Variants in CCNB1 observed in about 807,000 individuals in gnomAD.
CCNB1 encodes the protein G2/mitotic-specific cyclin-B1.
Under a neutral mutation model 44.4 loss-of-function variants are expected in CCNB1, and 26 were observed. The observed-to-expected ratio is 0.59, with a 90% CI of 0.43 to 0.81. CCNB1 has a LOEUF of 0.81. Among genes scored for constraint, CCNB1 ranks in the 40% least tolerant of loss-of-function variants. CCNB1 has a pLI of 0.00. For missense variants in CCNB1, 477 were observed against 520.9 expected (o/e 0.92, Z 0.82); for synonymous variants, 195 against 181.4 (o/e 1.08, Z -0.60).
At chr5:69,172,648 C>G (rs1469888188) in intron 4 of CCNB1, among the ~76,000 whole-genome samples, 1 of 151,976 alleles carries the variant, frequency 6.6e-6, no homozygotes, top group Non-Finnish European at 1.5e-5. Flanking sequence ...CTATAGGATT[C>G]TTCTGCAAGA....
At chr5:69,174,467 GATGT>G in intron 5 of CCNB1, 58 bp downstream of exon 5, 1 of 1,544,382 alleles carries the variant, frequency 6.5e-7, no homozygotes, top group South Asian at 1.2e-5. Flanking sequence ...ATAAGAAACT[GATGT>G]TTTCAGGCCA....
In CCNB1 at chr5:69,168,384, CTTG is replaced by C. The variant is rs1747387715; in HGVS notation, c.363+43_363+45del. On this transcript the variant is annotated intron_variant, in intron 3 of 8. Coordinates refer to ENST00000256442, the MANE Select transcript of CCNB1 (RefSeq NM_031966.4). Reference sequence around the variant, plus strand: ...CCATTGTAGAGTCTGTTGATTATTTCTTGTCCCTTATTTCACTGATACATGCAA... The same window carrying C: ...CCATTGTAGAGTCTGTTGATTATTTCTCCCTTATTTCACTGATACATGCAA... The C allele has an allele frequency of 3.1e-6, 5 of 1,609,434 alleles. No individual in the cohort carries two copies. The East Asian group carries it at 1.1e-4, about 36-fold the overall frequency.
At chr5:69,173,927 G>A (rs1210039296) in intron 4 of CCNB1, among the ~76,000 whole-genome samples, 1 of 151,760 alleles carries the variant, frequency 6.6e-6, no homozygotes, top group Non-Finnish European at 1.5e-5. Context: ...GCGCAACCAT[G>A]CCCAGCTAAT....
intron 4 of CCNB1, among the ~76,000 whole-genome samples, chr5:69,171,895 A>G (rs1276376357): frequency 6.6e-6 from 1 of 152,188 alleles, no homozygotes; most frequent in African/African-American, 2.4e-5. Context: ...TGGTGAAATT[A>G]TTTGTGCCCA....
intron 7 of CCNB1, among the ~76,000 whole-genome samples, chr5:69,176,271 AC>A (rs1411791879): frequency 6.6e-6 from 1 of 151,420 alleles, no homozygotes; most frequent in Non-Finnish European, 1.5e-5. Context: ...AGATGGAGAA[AC>A]TTGAAGGTCA....
chr5:69,175,474 T>C lies in CCNB1; in HGVS notation c.1020T>C (p.Pro340=). The stretch of plus-strand genomic sequence containing the variant: ...TGGACTATGACATGGTGCACTTTCC[T>C]CCTTCTCAAATTGCAGCAGGAGCTT... The part of the protein sequence containing the change: ...TMLDYDMVHF[P]PSQIAAGAFC... The change falls in exon 7 of 9, where the codon CCT becomes CCC. Residue 340 remains proline, a synonymous_variant. Transcript: ENST00000256442. 6.2e-7 allele frequency: 1 copy of C among 1,614,130 alleles called. No individual in the cohort carries two copies. The highest frequency in any genetic ancestry group is 8.5e-7 in the Non-Finnish European group (1 of 1,179,954).
At chr5:69,168,121 C>T (rs1352493443) in intron 2 of CCNB1, 43 bp downstream of exon 2, 50 of 1,610,548 alleles carry the variant, frequency 3.1e-5, no homozygotes, top group Non-Finnish European at 4.1e-5. Flanking sequence ...GCCCGCCTTC[C>T]AACTGTGGCC....
At position 69,177,361 on chromosome 5, in the gene CCNB1, T is replaced by C. The variant is rs1169218739; in HGVS notation, c.1194+12T>C. Reference sequence around the variant, plus strand: ...TTACAAAGCACATGGTGAGTCAATATAGTGGCATTGTAAGATGCTGAAAAG... The same window carrying C: ...TTACAAAGCACATGGTGAGTCAATACAGTGGCATTGTAAGATGCTGAAAAG... On this transcript the variant is annotated intron_variant, in intron 8 of 8. Coordinates refer to ENST00000256442, the MANE Select transcript of CCNB1 (RefSeq NM_031966.4). 1 of 1,524,472 alleles carries C rather than the reference T, an allele frequency of 6.6e-7. No homozygotes were observed. Among genetic ancestry groups the C allele is most frequent in the Non-Finnish European group, 9.1e-7 (1 of 1,099,346 alleles). The allele number at this position is 1,524,472 out of a possible 1,614,324, so 94.4% of individuals were successfully genotyped here. A position where few individuals can be genotyped will look rare whatever the true frequency, so the allele number is the denominator to read the frequency against.
chr5:69,173,129 A>G (rs1211209999), intron 4 of CCNB1, among the ~76,000 whole-genome samples: 1 of 152,116 alleles, frequency 6.6e-6, no homozygotes, highest in African/African-American at 2.4e-5. Flanking sequence ...CCATTTATGC[A>G]AAGCAACCCC....
chr5:69,171,682 G>T (rs1367380778), intron 4 of CCNB1, among the ~76,000 whole-genome samples: 1 of 152,094 alleles, frequency 6.6e-6, no homozygotes, highest in Non-Finnish European at 1.5e-5. Context: ...TACTACTATC[G>T]CTTTCTAAAG....
chr5:69,174,675 A>G (rs577621760), intron 5 of CCNB1, among the ~76,000 whole-genome samples: 1 of 152,164 alleles, frequency 6.6e-6, no homozygotes, highest in African/African-American at 2.4e-5. Flanking sequence ...AGATCACGCC[A>G]TTGCACTCCA....
In CCNB1 at chr5:69,167,669, C is replaced by A. The variant is rs1426671589; in HGVS notation, c.22-239C>A. 2.6e-5 allele frequency among the ~76,000 whole-genome samples: 4 copies of A among 152,082 alleles called. No homozygotes were observed. The South Asian group carries it at 8.3e-4, about 32-fold the overall frequency. On this transcript the variant is annotated intron_variant, in intron 1 of 8. Transcript: ENST00000256442. Reference sequence around the variant, plus strand: ...TTCGGTTTCCTTTCAAATGTAAATTCTCGGTATTTTAGGGCTGGCCAGGAC... The same window carrying A: ...TTCGGTTTCCTTTCAAATGTAAATTATCGGTATTTTAGGGCTGGCCAGGAC...
At chr5:69,167,356 AG>A in intron 1 of CCNB1, 73 bp downstream of exon 1, 1 of 1,559,220 alleles carries the variant, frequency 6.4e-7, no homozygotes, top group Non-Finnish European at 8.8e-7. Flanking sequence ...CGCCTGCGGG[AG>A]CCTCCCGAGC....
In CCNB1 at chr5:69,176,122, A is replaced by G. The variant is rs531276868; in HGVS notation, c.1083+585A>G. Among the ~76,000 whole-genome samples the G allele has an allele frequency of 6.0e-5, 9 of 151,178 alleles. No homozygotes were observed. The South Asian group carries it at 1.9e-3, about 32-fold the overall frequency. ...AGGCTGGTCTTGAAACTCTGGGCTC[A>G]AGCGATCCACCCACCTCCACTTACC... is the stretch of plus-strand genomic sequence containing the variant. On this transcript the variant is annotated intron_variant, in intron 7 of 8. Transcript: ENST00000256442.
chr5:69,175,933 A>G (rs560463553), intron 7 of CCNB1, among the ~76,000 whole-genome samples: 3 of 149,980 alleles, frequency 2.0e-5, no homozygotes, highest in Non-Finnish European at 4.4e-5. Flanking sequence ...AGAGTCGCCC[A>G]CCAGCCTGGG....
rs1747550087 is a variant in CCNB1, at chr5:69,174,962, C to T, written c.791C>T (p.Pro264Leu). 1.2e-6 allele frequency: 2 copies of T among 1,614,018 alleles called. No homozygotes were observed. Among genetic ancestry groups the T allele is most frequent in the Non-Finnish European group, 1.7e-6 (2 of 1,180,028 alleles). The change falls in exon 6 of 9, where the codon CCA becomes CTA. Residue 264 changes from proline to leucine, a missense_variant. By Grantham distance (98) the Pro-to-Leu change is moderately conservative. Transcript: ENST00000256442. ...IASKYEEMYP[P>L]EIGDFAFVTD... is the part of the protein sequence containing the mutation. Reference sequence around the variant, plus strand: ...AGCAAATATGAAGAAATGTACCCTCCAGAAATTGGTGACTTTGCTTTTGTG... The same window carrying T: ...AGCAAATATGAAGAAATGTACCCTCTAGAAATTGGTGACTTTGCTTTTGTG...
intron 3 of CCNB1, among the ~76,000 whole-genome samples, chr5:69,170,686 C>T (rs1162100952): frequency 3.3e-5 from 5 of 151,596 alleles, no homozygotes; most frequent in African/African-American, 4.9e-5. Flanking sequence ...AGTAGAATGG[C>T]GCAATCATAG....
At chr5:69,173,289 C>T (rs996668719) in intron 4 of CCNB1, among the ~76,000 whole-genome samples, 2 of 148,784 alleles carry the variant, frequency 1.3e-5, no homozygotes, top group Non-Finnish European at 3.0e-5. Context: ...CCCCTCGTAC[C>T]CACGGCTTGG....
At position 69,167,290 on chromosome 5, in the gene CCNB1, C is replaced by T; in HGVS notation, c.21+7C>T. 4 of 1,590,588 alleles carry T rather than the reference C, an allele frequency of 2.5e-6. No individual in the cohort carries two copies. Among genetic ancestry groups the T allele is most frequent in the East Asian group, 2.3e-5 (1 of 43,534 alleles). On this transcript the variant is annotated splice_region_variant and intron_variant, in intron 1 of 8. Transcript: ENST00000256442. ...GGCGCTCCGAGTCACCAGGGTGAGCCGCTTCGGACTGCGAACTAACGCGGC... is the reference window on the plus strand; with the variant it reads ...GGCGCTCCGAGTCACCAGGGTGAGCTGCTTCGGACTGCGAACTAACGCGGC...
Sources: allele counts gnomAD v4.1 joint callset (sites outside exome capture counted in the v4.1 genomes callset), GRCh38; gene constraint gnomAD v4.1.1; transcripts MANE v1.5; gene names NCBI Gene and HGNC (gene_info 2026-07-23, HGNC 2026-07-21).